The following PARD3 variants were observed in gnomAD, a reference collection of about 807,000 sequenced individuals.
PARD3 encodes the protein partitioning defective 3 homolog.
In PARD3, 75 loss-of-function variants were observed where a neutral mutation model predicts 155.4. The ratio of observed to expected loss-of-function variants is 0.48; its 90% CI spans 0.40 to 0.58. The LOEUF (loss-of-function observed/expected upper bound fraction) is 0.58. Ranked by LOEUF, PARD3 falls within the 20% of genes least tolerant of loss-of-function variation. PARD3 has a pLI of 0.00. For missense variants in PARD3, 1,642 were observed against 1,721.7 expected (o/e 0.95, Z 0.82); for synonymous variants, 576 against 610.5 (o/e 0.94, Z 0.83).
chr10:34,770,536 G>T (rs1276927591), intron 1 of PARD3, among the ~76,000 whole-genome samples: 1 of 152,118 alleles, frequency 6.6e-6, no homozygotes, highest in African/African-American at 2.4e-5. Flanking sequence ...AGGGAGCCAT[G>T]GGCATTTCTG....
chr10:34,461,419 A>T (rs2077642958), intron 4 of PARD3, among the ~76,000 whole-genome samples: 1 of 152,154 alleles, frequency 6.6e-6, no homozygotes, highest in African/African-American at 2.4e-5. Flanking sequence ...AGCCTGGCCA[A>T]CACGGTGAAA....
At chr10:34,225,944 GA>G (rs1316212375) in intron 22 of PARD3, among the ~76,000 whole-genome samples, 3 of 151,926 alleles carry the variant, frequency 2.0e-5, no homozygotes, top group Non-Finnish European at 4.4e-5. Context: ...AGTAAATTAA[GA>G]AACAAGCTAC....
At chr10:34,345,096 A>G in intron 15 of PARD3, 1 of 983,428 alleles carries the variant, frequency 1.0e-6, no homozygotes, top group African/African-American at 1.7e-5. Context: ...ATAAAGAATG[A>G]AGATCTCAGC....
chr10:34,134,655 T>C lies in PARD3; in HGVS notation c.3420-3072A>G, dbSNP rs1028802649. Reference sequence around the variant, plus strand: ...TTTCACCCCCTTTTCCTCTGCTCTTTCTCTCCCAATACTCTAGAGAAAGCT... The same window carrying C: ...TTTCACCCCCTTTTCCTCTGCTCTTCCTCTCCCAATACTCTAGAGAAAGCT... On this transcript the variant is annotated intron_variant, in intron 22 of 24. Transcript: ENST00000374788. 2.0e-5 allele frequency among the ~76,000 whole-genome samples: 3 copies of C among 152,224 alleles called. No homozygotes were observed. The South Asian group carries it at 6.2e-4, about 31-fold the overall frequency.
At chr10:34,387,498 TC>T (rs753521312) in intron 7 of PARD3, among the ~76,000 whole-genome samples, 4 of 152,142 alleles carry the variant, frequency 2.6e-5, no homozygotes, top group Non-Finnish European at 5.9e-5. Flanking sequence ...CCCTGCAAGC[TC>T]AAACCCCGGG....
intron 2 of PARD3, among the ~76,000 whole-genome samples, chr10:34,546,614 T>C (rs1427641364): frequency 6.6e-6 from 1 of 151,722 alleles, no homozygotes; most frequent in African/African-American, 2.4e-5. Context: ...AAATAACTAC[T>C]GCAAAATACT....
In PARD3 at chr10:34,225,330, C is replaced by A. The variant is rs182551680; in HGVS notation, c.3419+44327G>T. ...GACAAATGAAAGTTCACCAGGCAGA[C>A]TGGACTAGTTTTTTTTCTCTTTTTT... is the stretch of plus-strand genomic sequence containing the variant. On this transcript the variant is annotated intron_variant, in intron 22 of 24. Coordinates refer to ENST00000374788, the MANE Select transcript of PARD3 (RefSeq NM_001184785.2). Among the ~76,000 whole-genome samples the A allele has an allele frequency of 1.5e-4, 22 of 151,142 alleles. No individual in the cohort carries two copies. The East Asian group carries it at 4.3e-3, about 29-fold the overall frequency.
At chr10:34,552,714 CA>C (rs10709334) in intron 2 of PARD3, among the ~76,000 whole-genome samples, 78,076 of 140,528 alleles carry the variant, frequency 0.56, 23,208 homozygotes, top group African/African-American at 0.85. Flanking sequence ...AACTCCATCT[CA>C]AAAAAAAAAA....
intron 14 of PARD3, among the ~76,000 whole-genome samples, chr10:34,351,458 C>T (rs979141658): frequency 9.1e-4 from 139 of 152,304 alleles, no homozygotes; most frequent in African/African-American, 3.2e-3. Flanking sequence ...TACAAATATA[C>T]ATTCTGGAAA....
chr10:34,113,156 A>T (rs1267354435), intron 24 of PARD3, among the ~76,000 whole-genome samples: 1 of 152,192 alleles, frequency 6.6e-6, no homozygotes, highest in Non-Finnish European at 1.5e-5. Flanking sequence ...CAGTTTGAAG[A>T]TAATCAGAAA....
chr10:34,764,229 C>A (rs1471665838), intron 1 of PARD3, among the ~76,000 whole-genome samples: 1 of 152,148 alleles, frequency 6.6e-6, no homozygotes, highest in Non-Finnish European at 1.5e-5. Context: ...GGAAAATGGG[C>A]AACCTAGGAT....
intron 2 of PARD3, among the ~76,000 whole-genome samples, chr10:34,570,755 C>T (rs772268207): frequency 1.8e-4 from 27 of 152,138 alleles, no homozygotes; most frequent in Non-Finnish European, 2.8e-4. Flanking sequence ...AGACAGATGA[C>T]ACCCCAGCAC....
chr10:34,199,674 C>T (rs1052485380), intron 22 of PARD3, among the ~76,000 whole-genome samples: 2 of 152,168 alleles, frequency 1.3e-5, no homozygotes, highest in Admixed American at 6.5e-5. Context: ...GAGTATCAAA[C>T]ATTTACTTCC....
chr10:34,145,763 C>G (rs777026890), intron 22 of PARD3, among the ~76,000 whole-genome samples: 1 of 152,160 alleles, frequency 6.6e-6, no homozygotes, highest in Admixed American at 6.6e-5. Context: ...AACAAACAAA[C>G]GTTGTTTGTT....
At chr10:34,373,303 A>C (rs78260646) in intron 11 of PARD3, among the ~76,000 whole-genome samples, 10,238 of 150,330 alleles carry the variant, frequency 0.068, 468 homozygotes, top group Non-Finnish European at 0.097. Context: ...ATAACCAAGA[A>C]AAAAAAAAAG....
At chr10:34,538,391 A>C (rs1276223394) in intron 2 of PARD3, among the ~76,000 whole-genome samples, 3 of 152,238 alleles carry the variant, frequency 2.0e-5, no homozygotes, top group African/African-American at 7.2e-5. Flanking sequence ...TCAGAGATAC[A>C]TTCGCTGATA....
intron 2 of PARD3, among the ~76,000 whole-genome samples, chr10:34,594,847 A>G (rs1318748800): frequency 6.6e-6 from 1 of 152,152 alleles, no homozygotes; most frequent in Non-Finnish European, 1.5e-5. Context: ...AAATAAAATA[A>G]AAATAAATAA....
chr10:34,152,443 T>C (rs1463398974), intron 22 of PARD3, among the ~76,000 whole-genome samples: 3 of 152,212 alleles, frequency 2.0e-5, no homozygotes, highest in African/African-American at 4.8e-5. Context: ...AATTGGAACA[T>C]AATGGTATTT....
In PARD3 at chr10:34,432,260, T is replaced by C. The variant is rs966796819; in HGVS notation, c.714+18057A>G. 4.0e-5 allele frequency among the ~76,000 whole-genome samples: 6 copies of C among 150,810 alleles called. No homozygotes were observed. In the East Asian group the frequency reaches 1.2e-3, roughly 30 times the overall value. ...AACAGATGGAGAGGGAGACAAATAT[T>C]ACATAGGTCTAGTCAAAAGGAATAT... is the stretch of plus-strand genomic sequence containing the variant. On this transcript the variant is annotated intron_variant, in intron 5 of 24. Transcript: ENST00000374788.
Sources: gnomAD v4.1 joint callset for allele counts (sites outside exome capture counted in the v4.1 genomes callset) on GRCh38, gnomAD v4.1.1 for gene constraint, MANE v1.5 for transcripts, NCBI Gene and HGNC (gene_info 2026-07-23, HGNC 2026-07-21) for gene names.